The following FRMD6 variants were observed in gnomAD, a reference collection of about 807,000 sequenced individuals.
FRMD6 encodes the protein FERM domain-containing protein 6.
A neutral mutation model predicts 73.2 loss-of-function variants in FRMD6; 37 were observed. The observed-to-expected ratio is 0.51, with a 90% CI of 0.39 to 0.66. The LOEUF (loss-of-function observed/expected upper bound fraction) is 0.66. Among genes scored for constraint, FRMD6 ranks in the 30% least tolerant of loss-of-function variants. The pLI, the probability that FRMD6 is intolerant of heterozygous loss-of-function variation, is 0.00. For synonymous variants in FRMD6, 273 were observed against 282.2 expected, an observed-to-expected ratio of 0.97 and a Z score of 0.33; for missense variants, 714 against 780.5, an observed-to-expected ratio of 0.91 and a Z score of 1.02.
the FRMD6 span, among the ~76,000 whole-genome samples, chr14:51,476,157 G>T: frequency 6.6e-6 from 1 of 152,158 alleles, no homozygotes; most frequent in African/African-American, 2.4e-5. Flanking sequence ...TCCATTCGGA[G>T]ACTCTGGCTC....
At chr14:51,510,056 T>C (rs1031046370) in intron 1 of FRMD6, among the ~76,000 whole-genome samples, 2 of 152,250 alleles carry the variant, frequency 1.3e-5, no homozygotes, top group Non-Finnish European at 2.9e-5. Flanking sequence ...GGAAAACATT[T>C]CAGTTGGATG....
At chr14:51,669,706 G>A (rs2140228673) in intron 1 of FRMD6, among the ~76,000 whole-genome samples, 1 of 152,208 alleles carries the variant, frequency 6.6e-6, no homozygotes, top group South Asian at 2.1e-4. Context: ...TTGTTCTTGA[G>A]TTGTAATATT....
At chr14:51,633,023 G>C (rs1221884357) in intron 2 of FRMD6, among the ~76,000 whole-genome samples, 4 of 152,168 alleles carry the variant, frequency 2.6e-5, no homozygotes, top group African/African-American at 9.7e-5. Context: ...GCAAACTCAT[G>C]CATTTCGTGT....
the FRMD6 span, among the ~76,000 whole-genome samples, chr14:51,428,343 T>A: frequency 6.6e-6 from 1 of 152,158 alleles, no homozygotes; most frequent in African/African-American, 2.4e-5. Context: ...ATTTCAGAAT[T>A]GCCATGTACA....
At chr14:51,461,035 A>G in the FRMD6 span, among the ~76,000 whole-genome samples, 6 of 152,224 alleles carry the variant, frequency 3.9e-5, no homozygotes, top group Non-Finnish European at 7.3e-5. Context: ...ATTTGCTTTT[A>G]TAGATCCAAA....
chr14:51,583,695 T>A (rs1447709716), intron 2 of FRMD6, among the ~76,000 whole-genome samples: 1 of 152,216 alleles, frequency 6.6e-6, no homozygotes, highest in Non-Finnish European at 1.5e-5. Flanking sequence ...CTCCAGGTGG[T>A]CTGGCTCCAG....
the FRMD6 span, among the ~76,000 whole-genome samples, chr14:51,443,038 G>A: frequency 1.6e-4 from 25 of 152,160 alleles, no homozygotes; most frequent in Non-Finnish European, 3.1e-4. Flanking sequence ...AGGTTGTGAA[G>A]GCACCAGGAT....
At chr14:51,502,685 C>G (rs1256852730) in intron 1 of FRMD6, among the ~76,000 whole-genome samples, 2 of 152,056 alleles carry the variant, frequency 1.3e-5, no homozygotes, top group African/African-American at 4.8e-5. Flanking sequence ...TATTCAGGCT[C>G]TTTTTTGGTT....
chr14:51,720,337 C>G lies in FRMD6; in HGVS notation c.1307C>G (p.Ser436Ter), dbSNP rs1897478374. The G allele has an allele frequency of 6.2e-7, 1 of 1,613,876 alleles. No individual in the cohort carries two copies. The highest frequency in any genetic ancestry group is 1.1e-5 in the South Asian group (1 of 91,078). Reference protein sequence around the residue: ...SMTSHGSSHTSGVESGGKDRL... With the variant: ...SMTSHGSSHT ...ACCAGTCATGGCAGCTCCCACACCT[C>G]AGGGGTGGAGAGTGGCGGCAAAGAC... The change falls in exon 11 of 14, where the codon TCA becomes TGA. Residue 436 changes from serine (S) to a stop codon, truncating the protein, a stop_gained. Transcript: ENST00000344768. LOFTEE classifies it high-confidence loss of function.
chr14:51,620,792 G>C (rs1206662598), intron 2 of FRMD6, among the ~76,000 whole-genome samples: 1 of 152,162 alleles, frequency 6.6e-6, no homozygotes, highest in African/African-American at 2.4e-5. Flanking sequence ...GTTTCCAAGG[G>C]CTCTCACTGC....
chr14:51,716,738 C>T (rs1174157198), intron 10 of FRMD6, among the ~76,000 whole-genome samples: 1 of 152,310 alleles, frequency 6.6e-6, no homozygotes, highest in East Asian at 1.9e-4. Flanking sequence ...GCTTCAGCTG[C>T]TGCTAGACTG....
intron 2 of FRMD6, among the ~76,000 whole-genome samples, chr14:51,603,128 C>T (rs2139816451): frequency 6.6e-6 from 1 of 152,328 alleles, no homozygotes; most frequent in African/African-American, 2.4e-5. Flanking sequence ...CATGTGGATA[C>T]AGCAAGAAGC....
Position 51,728,717 on chromosome 14 carries a change from CATTT to C in FRMD6, c.*689_*692del, listed in dbSNP as rs1228414859. On this transcript the variant is annotated 3_prime_UTR_variant, in exon 14 of 14. Transcript: ENST00000344768. Reference sequence around the variant, plus strand: ...TGATCTTCCAGAAAGCTCCAGGATTCATTTGAGTTCCACATCCAAGTAACAGATG... The same window carrying C: ...TGATCTTCCAGAAAGCTCCAGGATTCGAGTTCCACATCCAAGTAACAGATG... 7 of 152,722 alleles carry C rather than the reference CATTT, an allele frequency of 4.6e-5. No homozygotes were observed. Among genetic ancestry groups the C allele is most frequent in the African/African-American group, 7.2e-5 (3 of 41,564 alleles). 9.5% of individuals were successfully genotyped at this position (152,722 alleles called of 1,614,324 possible).
intron 1 of FRMD6, among the ~76,000 whole-genome samples, chr14:51,519,834 T>C (rs921239634): frequency 1.3e-5 from 2 of 152,222 alleles, no homozygotes; most frequent in African/African-American, 4.8e-5. Context: ...TTGTGTTAGA[T>C]AAGCCCAGGG....
At chr14:51,703,888 T>G (rs1896476186) in intron 5 of FRMD6, among the ~76,000 whole-genome samples, 1 of 152,138 alleles carries the variant, frequency 6.6e-6, no homozygotes, top group Non-Finnish European at 1.5e-5. Context: ...ATGAGCTCAT[T>G]AAAATATGTA....
intron 11 of FRMD6, 56 bp downstream of exon 11, chr14:51,720,446 A>T (rs111798496): frequency 1.6e-5 from 25 of 1,529,606 alleles, no homozygotes; most frequent in Non-Finnish European, 2.0e-5. Context: ...TTTTTCAAGC[A>T]TTGGTTCTAT....
At chr14:51,712,832 T>C (rs2140533013) in intron 9 of FRMD6, among the ~76,000 whole-genome samples, 1 of 152,352 alleles carries the variant, frequency 6.6e-6, no homozygotes, top group South Asian at 2.1e-4. Context: ...GTTTGGTCCG[T>C]AGCACATGAC....
At position 51,628,193 on chromosome 14, in the gene FRMD6, G is replaced by A. The variant is rs1329428353; in HGVS notation, c.-147+57783G>A. ...GTATTTGAGCTAAAAAAACAGATAT[G>A]TGCCTATTTCTAAGAGTACAATCTA... On this transcript the variant is annotated intron_variant, in intron 2 of 14. Transcript: ENST00000356218. Among the ~76,000 whole-genome samples, 3 of 152,152 alleles carry A rather than the reference G, an allele frequency of 2.0e-5. No homozygotes were observed. In the East Asian group the frequency reaches 5.8e-4, roughly 29 times the overall value.
the FRMD6 span, among the ~76,000 whole-genome samples, chr14:51,398,193 A>G: frequency 2.6e-5 from 4 of 152,310 alleles, no homozygotes; most frequent in South Asian, 8.3e-4. Context: ...GAAACTAGTC[A>G]TTTAATGCTT....
Sources: allele counts gnomAD v4.1 joint callset (sites outside exome capture counted in the v4.1 genomes callset), GRCh38; gene constraint gnomAD v4.1.1; transcripts MANE v1.5; gene names NCBI Gene and HGNC (gene_info 2026-07-23, HGNC 2026-07-21).